Variants in CTF1 observed in about 807,000 individuals in gnomAD.
CTF1 encodes cardiotrophin 1, also known as cardiotrophin-1.
Under a neutral mutation model 10.9 loss-of-function variants are expected in CTF1, and 9 were observed. That is an observed-to-expected ratio of 0.83 (90% confidence interval 0.50 to 1.44). The LOEUF (loss-of-function observed/expected upper bound fraction) is 1.44, where lower values mean the gene tolerates loss of function less well. CTF1 is among the 40% of genes most tolerant of loss of function. CTF1 has a pLI of 0.00. For missense variants in CTF1, 259 were observed against 275.3 expected (o/e 0.94, Z 0.42); for synonymous variants, 133 against 138.8 (o/e 0.96, Z 0.29).
upstream of CTF1, chr16:30,896,533 T>G: frequency 2.0e-6 from 2 of 976,484 alleles, no homozygotes; most frequent in Non-Finnish European, 1.4e-6. Flanking sequence ...GATGAAATGT[T>G]TGGGGTCTGG....
At chr16:30,899,351 C>T (rs558875787) in intron 1 of CTF1, 64 bp from the exon 2 acceptor site, 9 of 986,096 alleles carry the variant, frequency 9.1e-6, no homozygotes, top group East Asian at 4.8e-5. Flanking sequence ...AAAGAGCCAG[C>T]GTGGGAGAGG....
chr16:30,902,728 G>A lies in CTF1; in HGVS notation c.*189G>A, dbSNP rs1450245609. On this transcript the variant is annotated 3_prime_UTR_variant, in exon 3 of 3. Transcript: ENST00000279804. ...GGGTCTCTGTCGCCCAGGCTGGGGT[G>A]CAGTGGCGCGATCCCAGCACTGCAG... 1 of 852,468 alleles carries A rather than the reference G, an allele frequency of 1.2e-6. No individual in the cohort carries two copies. Among genetic ancestry groups the A allele is most frequent in the Non-Finnish European group, 1.6e-6 (1 of 625,050 alleles). 52.8% of individuals were successfully genotyped at this position (852,468 alleles called of 1,614,324 possible). A position where few individuals can be genotyped will look rare whatever the true frequency, so the allele number is the denominator to read the frequency against.
At position 30,903,117 on chromosome 16, in the gene CTF1, G is replaced by A; in HGVS notation, c.*578G>A. Reference sequence around the variant, plus strand: ...TCCCTTTGGCCTCCCCCTTTACCCAGCTCTTGGGGTGTCTCTGTTTTTTCC... The same window carrying A: ...TCCCTTTGGCCTCCCCCTTTACCCAACTCTTGGGGTGTCTCTGTTTTTTCC... On this transcript the variant is annotated 3_prime_UTR_variant, in exon 3 of 3. Transcript: ENST00000279804. 6.5e-6 allele frequency: 1 copy of A among 152,818 alleles called. No homozygotes were observed. The highest frequency in any genetic ancestry group is 1.5e-5 in the Non-Finnish European group (1 of 68,370). The allele number at this position is 152,818 out of a possible 1,614,324, so 9.5% of individuals were successfully genotyped here.
rs1026810765 is a variant in CTF1, at chr16:30,902,735, C to T, written c.*196C>T. ...TGTCGCCCAGGCTGGGGTGCAGTGG[C>T]GCGATCCCAGCACTGCAGCCTCAAC... On this transcript the variant is annotated 3_prime_UTR_variant, in exon 3 of 3. Transcript: ENST00000279804. 1.0e-5 allele frequency: 8 copies of T among 796,552 alleles called. No individual in the cohort carries two copies. Among genetic ancestry groups the T allele is most frequent in the African/African-American group, 5.5e-5 (3 of 54,692 alleles). The allele number at this position is 796,552 out of a possible 1,614,324, so 49.3% of individuals were successfully genotyped here.
intron 1 of CTF1, among the ~76,000 whole-genome samples, chr16:30,899,040 A>C (rs1358643977): frequency 6.6e-6 from 1 of 152,220 alleles, no homozygotes; most frequent in African/African-American, 2.4e-5. Context: ...TCTGCAGCCT[A>C]GGAACAATTG....
intron 1 of CTF1, among the ~76,000 whole-genome samples, chr16:30,898,810 C>T (rs548294675): frequency 6.6e-6 from 1 of 152,196 alleles, no homozygotes; most frequent in African/African-American, 2.4e-5. Context: ...CGGCATGTGC[C>T]ACTATGCCTG....
chr16:30,898,749 C>T (rs1414244767), intron 1 of CTF1, among the ~76,000 whole-genome samples: 1 of 152,170 alleles, frequency 6.6e-6, no homozygotes, highest in Non-Finnish European at 1.5e-5. Context: ...CCTCGACCTC[C>T]CGGGGTTCAA....
At chr16:30,899,196 A>G (rs1022946128) in intron 1 of CTF1, among the ~76,000 whole-genome samples, 1 of 152,210 alleles carries the variant, frequency 6.6e-6, no homozygotes, top group African/African-American at 2.4e-5. Flanking sequence ...GCAAGGCATG[A>G]CTGTCTTTGA....
At chr16:30,900,819 A>G (rs556398828) in intron 2 of CTF1, among the ~76,000 whole-genome samples, 1 of 152,166 alleles carries the variant, frequency 6.6e-6, no homozygotes, top group East Asian at 1.9e-4. Context: ...TTGTACTGCT[A>G]TGAACTTTGG....
chr16:30,900,163 T>C (rs1000299215), intron 2 of CTF1, among the ~76,000 whole-genome samples: 6 of 152,202 alleles, frequency 3.9e-5, no homozygotes, highest in African/African-American at 1.4e-4. Flanking sequence ...TGATTAACTC[T>C]GAACTCTCCC....
In CTF1 at chr16:30,900,686, A is replaced by G. The variant is rs552211479; in HGVS notation, c.144+1153A>G. 8.3e-4 allele frequency among the ~76,000 whole-genome samples: 126 copies of G among 152,186 alleles called. 1 individual carries two copies. The highest frequency in any genetic ancestry group is 3.0e-3 in the African/African-American group (124 of 41,520). ...GTGGTGTATGCCTGTGGTTCCATCTACTCAGGAGGCTGAGTGTGGAGGATT... is the reference window on the plus strand; with the variant it reads ...GTGGTGTATGCCTGTGGTTCCATCTGCTCAGGAGGCTGAGTGTGGAGGATT... On this transcript the variant is annotated intron_variant, in intron 2 of 2. Coordinates refer to ENST00000279804, the MANE Select transcript of CTF1 (RefSeq NM_001330.5).
intron 1 of CTF1, 61 bp downstream of exon 1, chr16:30,896,729 G>C: frequency 3.2e-6 from 4 of 1,243,686 alleles, no homozygotes; most frequent in Non-Finnish European, 4.1e-6. Context: ...GAGGGATTGG[G>C]AGCTGGGGGT....
intron 1 of CTF1, among the ~76,000 whole-genome samples, chr16:30,898,822 C>CTT (rs1370633028): frequency 5.9e-5 from 9 of 152,014 alleles, no homozygotes; most frequent in Non-Finnish European, 1.0e-4. Flanking sequence ...CTATGCCTGG[C>CTT]TTATATTTGT....
At chr16:30,896,782 G>A in intron 1 of CTF1, 114 bp downstream of exon 1, 1 of 915,388 alleles carries the variant, frequency 1.1e-6, no homozygotes, top group Non-Finnish European at 1.5e-6. Context: ...GAGCGGCCTT[G>A]GCGGGGAAGG....
chr16:30,900,368 G>C (rs2055390707), intron 2 of CTF1, among the ~76,000 whole-genome samples: 1 of 152,162 alleles, frequency 6.6e-6, no homozygotes, highest in Admixed American at 6.5e-5. Context: ...CAGACTGCAG[G>C]CCTGCCAACT....
chr16:30,897,664 G>C (rs1396045054), intron 1 of CTF1, among the ~76,000 whole-genome samples: 1 of 152,062 alleles, frequency 6.6e-6, no homozygotes, highest in East Asian at 1.9e-4. Flanking sequence ...TTTTAGCCTG[G>C]GCAACATGGC....
chr16:30,898,723 T>C (rs1036739466), intron 1 of CTF1, among the ~76,000 whole-genome samples: 11 of 152,178 alleles, frequency 7.2e-5, no homozygotes, highest in African/African-American at 2.4e-4. Flanking sequence ...AGTGGCACAC[T>C]CACAGCTCAC....
intron 1 of CTF1, among the ~76,000 whole-genome samples, chr16:30,898,513 A>G (rs1454300840): frequency 6.6e-6 from 1 of 151,516 alleles, no homozygotes; most frequent in Non-Finnish European, 1.5e-5. Context: ...GGCTGGTCTC[A>G]AACTCCTGAC....
intron 1 of CTF1, among the ~76,000 whole-genome samples, chr16:30,898,985 C>G (rs1451657491): frequency 6.6e-6 from 1 of 152,156 alleles, no homozygotes; most frequent in Non-Finnish European, 1.5e-5. Context: ...TACACAAATA[C>G]CACTGTGTTC....
Sources: gnomAD v4.1 joint callset for allele counts (sites outside exome capture counted in the v4.1 genomes callset) on GRCh38, gnomAD v4.1.1 for gene constraint, MANE v1.5 for transcripts, NCBI Gene and HGNC (gene_info 2026-07-23, HGNC 2026-07-21) for gene names.